The following ZMIZ1 variants were observed in gnomAD, a reference collection of about 807,000 sequenced individuals.
ZMIZ1 encodes the protein zinc finger MIZ-type containing 1.
ZMIZ1 carries 17 observed loss-of-function variants against 113.9 expected under a neutral mutation model. That is an observed-to-expected ratio of 0.15 (90% CI 0.10 to 0.22). The LOEUF (loss-of-function observed/expected upper bound fraction) is 0.22, where lower values mean the gene tolerates loss of function less well. ZMIZ1 is among the 10% of genes least tolerant of loss of function. The probability of loss-of-function intolerance (pLI) is 1.00; values close to 1 mark genes in which losing one functional copy is unlikely to be tolerated. For missense variants in ZMIZ1, 1,059 were observed against 1,477.8 expected (o/e 0.72, Z 4.65); for synonymous variants, 607 against 603.1 (o/e 1.01, Z -0.09).
At chr10:79,273,290 C>G (rs1318822929) in intron 7 of ZMIZ1, among the ~76,000 whole-genome samples, 1 of 152,172 alleles carries the variant, frequency 6.6e-6, no homozygotes, top group Non-Finnish European at 1.5e-5. Flanking sequence ...CTGACCCTAA[C>G]CCCCTTTCTG....
Position 79,283,049 on chromosome 10 carries a change from C to T in ZMIZ1, c.425+5724C>T, listed in dbSNP as rs191699559. ...AGCCATTTGTGATTAGCACATTGTC[C>T]TTATGCAGATCAGTGTTGCAAAGGT... On this transcript the variant is annotated intron_variant, in intron 8 of 24. Coordinates refer to ENST00000334512, the MANE Select transcript of ZMIZ1 (RefSeq NM_020338.4). Among the ~76,000 whole-genome samples the T allele has an allele frequency of 3.7e-3, 557 of 152,354 alleles. 2 individuals carry two copies. Among genetic ancestry groups the T allele is most frequent in the Non-Finnish European group, 6.8e-3 (460 of 68,036 alleles).
At chr10:79,200,067 G>A (rs1391518595) in intron 4 of ZMIZ1, among the ~76,000 whole-genome samples, 1 of 152,228 alleles carries the variant, frequency 6.6e-6, no homozygotes, top group Non-Finnish European at 1.5e-5. Flanking sequence ...GAGAGTGTGT[G>A]TGAAAAGGAA....
chr10:79,264,359 C>G (rs1851458529), intron 7 of ZMIZ1, among the ~76,000 whole-genome samples: 4 of 152,226 alleles, frequency 2.6e-5, no homozygotes, highest in African/African-American at 2.4e-5. Context: ...TTGGGTACCT[C>G]TTGGCCTCAA....
At chr10:79,223,032 C>A (rs949089706) in intron 7 of ZMIZ1, among the ~76,000 whole-genome samples, 1 of 152,172 alleles carries the variant, frequency 6.6e-6, no homozygotes, top group Non-Finnish European at 1.5e-5. Context: ...CATTCCTGGT[C>A]TCTTTTGGTG....
At chr10:79,132,095 G>A (rs990099300) in intron 2 of ZMIZ1, among the ~76,000 whole-genome samples, 4 of 152,170 alleles carry the variant, frequency 2.6e-5, no homozygotes, top group Admixed American at 2.0e-4. Flanking sequence ...TCAAAGTCAC[G>A]GTTAAACCAC....
At chr10:79,131,034 A>C (rs1390520199) in intron 2 of ZMIZ1, among the ~76,000 whole-genome samples, 1 of 152,118 alleles carries the variant, frequency 6.6e-6, no homozygotes, top group Admixed American at 6.5e-5. Context: ...AGCCTGCCCT[A>C]GCCTTGCATT....
At chr10:79,107,447 G>A (rs1470187284) in intron 1 of ZMIZ1, among the ~76,000 whole-genome samples, 1 of 152,220 alleles carries the variant, frequency 6.6e-6, no homozygotes, top group Non-Finnish European at 1.5e-5. Context: ...TCTGTCTCAG[G>A]GTGAGGGTTC....
At chr10:79,117,449 TTGGA>T (rs564772485) in intron 1 of ZMIZ1, among the ~76,000 whole-genome samples, 313 of 152,368 alleles carry the variant, frequency 2.1e-3, no homozygotes, top group African/African-American at 7.1e-3. Flanking sequence ...CGTAGTGTTG[TTGGA>T]TGAAGTTGCA....
intron 1 of ZMIZ1, among the ~76,000 whole-genome samples, chr10:79,093,135 AACACACACACACACAC>A (rs5786379): frequency 1.2e-4 from 13 of 107,994 alleles, no homozygotes; most frequent in South Asian, 3.3e-4. Context: ...CCCCACCCCC[AACACACACACACACAC>A]ACACACACAC....
intron 2 of ZMIZ1, among the ~76,000 whole-genome samples, chr10:79,130,797 A>T (rs146253970): frequency 7.5e-4 from 114 of 152,340 alleles, no homozygotes; most frequent in Middle Eastern, 3.4e-3. Context: ...AGTGACACTT[A>T]TGAAGTGTTT....
intron 7 of ZMIZ1, among the ~76,000 whole-genome samples, chr10:79,224,956 G>T (rs1244458654): frequency 6.6e-6 from 1 of 152,218 alleles, no homozygotes; most frequent in Non-Finnish European, 1.5e-5. Context: ...CAGTCCTGCT[G>T]GGAGTGCTGG....
intron 4 of ZMIZ1, among the ~76,000 whole-genome samples, chr10:79,199,979 C>T (rs1848001869): frequency 6.6e-6 from 1 of 152,212 alleles, no homozygotes; most frequent in Non-Finnish European, 1.5e-5. Context: ...ACAACCTACA[C>T]TTCCACCAGC....
At chr10:79,140,903 C>T (rs1845229174) in intron 3 of ZMIZ1, among the ~76,000 whole-genome samples, 1 of 152,170 alleles carries the variant, frequency 6.6e-6, no homozygotes, top group Admixed American at 6.5e-5. Context: ...CCACCTCAGC[C>T]TCCCGTGTAG....
chr10:79,271,560 G>T (rs1053911653), intron 7 of ZMIZ1, among the ~76,000 whole-genome samples: 4 of 152,170 alleles, frequency 2.6e-5, no homozygotes, highest in African/African-American at 9.7e-5. Flanking sequence ...GCAGGGATTG[G>T]TGAGGGTCCT....
chr10:79,312,689 C>T lies in ZMIZ1; in HGVS notation c.3144C>T (p.Asp1048=), dbSNP rs1394608236. The change falls in exon 25 of 25, where the codon GAC becomes GAT. Residue 1048 remains aspartate (D), a synonymous_variant. Coordinates refer to ENST00000334512, the MANE Select transcript of ZMIZ1 (RefSeq NM_020338.4). The part of the protein sequence containing the change: ...TNPDELLSYL[D]PPDLPSNSND... ...CTGACGAGCTCCTGTCTTATCTGGA[C>T]CCCCCCGACCTGCCGAGCAATAGTA... is the stretch of plus-strand genomic sequence containing the variant. The T allele has an allele frequency of 4.3e-6, 7 of 1,613,716 alleles. No homozygotes were observed. The highest frequency in any genetic ancestry group is 1.3e-5 in the African/African-American group (1 of 75,036).
chr10:79,227,636 C>T (rs560495127), intron 7 of ZMIZ1, among the ~76,000 whole-genome samples: 3 of 152,268 alleles, frequency 2.0e-5, no homozygotes, highest in East Asian at 3.9e-4. Flanking sequence ...GCTGTATATG[C>T]GTGAGAAATT....
At chr10:79,208,298 T>C in intron 5 of ZMIZ1, 38 bp from the exon 6 acceptor site, 1 of 1,588,154 alleles carries the variant, frequency 6.3e-7, no homozygotes, top group Non-Finnish European at 8.6e-7. Context: ...CTACCCTCAC[T>C]CTTGGAGCCT....
chr10:79,120,049 G>T lies in ZMIZ1; in HGVS notation c.-227+1025G>T, dbSNP rs116346855. On this transcript the variant is annotated intron_variant, in intron 2 of 24. Coordinates refer to ENST00000334512, the MANE Select transcript of ZMIZ1 (RefSeq NM_020338.4). ...GTGGCGTGGAGAGGGTTCAGAGGCT[G>T]GGGGGAGAATTCTGGGGAGGTGACC... Among the ~76,000 whole-genome samples, 1,217 of 149,648 alleles carry T rather than the reference G, an allele frequency of 8.1e-3. 21 individuals carry two copies. The highest frequency in any genetic ancestry group is 0.027 in the African/African-American group (1,105 of 40,926).
chr10:79,296,673 C>T lies in ZMIZ1; in HGVS notation c.1413+20C>T, dbSNP rs989225560. The T allele has an allele frequency of 5.2e-6, 8 of 1,527,670 alleles. No individual in the cohort carries two copies. The African/African-American group carries it at 9.7e-5, about 18-fold the overall frequency. 94.6% of individuals were successfully genotyped at this position (1,527,670 alleles called of 1,614,324 possible). On this transcript the variant is annotated intron_variant, in intron 13 of 24. Transcript: ENST00000334512. This position sits in a 1 kb window ranked among gnomAD's most constrained non-coding sequence, Gnocchi z 4.1. ...TACAAGGTGAGTCCCAGCCTCGCCA[C>T]CACCCACGGGGCCCCTTCCCTCCTA...
Sources: allele counts gnomAD v4.1 joint callset (sites outside exome capture counted in the v4.1 genomes callset), GRCh38; gene constraint gnomAD v4.1.1; non-coding constraint Gnocchi (gnomAD v3.1); transcripts MANE v1.5; gene names NCBI Gene and HGNC (gene_info 2026-07-23, HGNC 2026-07-21).